Variants in CFAP100 observed in about 807,000 individuals in gnomAD.
CFAP100 encodes cilia and flagella associated protein 100.
A neutral mutation model predicts 81.5 loss-of-function variants in CFAP100; 70 were observed. The observed-to-expected ratio is 0.86, with a 90% CI of 0.71 to 1.05. The LOEUF is 1.05. CFAP100 is among the 50% of genes least tolerant of loss of function. CFAP100 has a pLI of 0.00. For missense variants in CFAP100, 811 were observed against 776.5 expected (o/e 1.04, Z -0.53); for synonymous variants, 341 against 314.8 (o/e 1.08, Z -0.88).
chr3:126,397,041 A>G (rs1041669897), intron 2 of CFAP100, among the ~76,000 whole-genome samples: 2 of 152,204 alleles, frequency 1.3e-5, no homozygotes, highest in African/African-American at 4.8e-5. Flanking sequence ...CTCAGTGCAC[A>G]TACAGGCAAA....
chr3:126,400,492 G>A (rs2082956216), intron 2 of CFAP100, among the ~76,000 whole-genome samples: 2 of 151,848 alleles, frequency 1.3e-5, no homozygotes, highest in South Asian at 2.1e-4. Flanking sequence ...GGTGACTCTC[G>A]CCTAAAATCC....
At chr3:126,421,802 G>A (rs892339586) in intron 11 of CFAP100, among the ~76,000 whole-genome samples, 1 of 152,256 alleles carries the variant, frequency 6.6e-6, no homozygotes, top group Non-Finnish European at 1.5e-5. Flanking sequence ...TTGTGGTGAA[G>A]ACCAGCCACC....
chr3:126,418,332 G>A lies in CFAP100; in HGVS notation c.419-126G>A, dbSNP rs190720457. Reference sequence around the variant, plus strand: ...CAAGAACACTACCTTCCATGGTCCCGGTAGTCACCTGGGCGTGGACGCAAA... The same window carrying A: ...CAAGAACACTACCTTCCATGGTCCCAGTAGTCACCTGGGCGTGGACGCAAA... On this transcript the variant is annotated intron_variant, in intron 5 of 16. Coordinates refer to ENST00000352312, the MANE Select transcript of CFAP100 (RefSeq NM_182628.3). 6.2e-4 allele frequency: 463 copies of A among 752,188 alleles called. 2 individuals carry two copies. Among genetic ancestry groups the A allele is most frequent in the African/African-American group, 2.8e-3 (165 of 58,114 alleles). The allele number at this position is 752,188 out of a possible 1,614,324, so 46.6% of individuals were successfully genotyped here. A position where few individuals can be genotyped will look rare whatever the true frequency, so the allele number is the denominator to read the frequency against.
At chr3:126,398,022 G>A (rs900647038) in intron 2 of CFAP100, among the ~76,000 whole-genome samples, 4 of 152,256 alleles carry the variant, frequency 2.6e-5, no homozygotes, top group Non-Finnish European at 4.4e-5. Context: ...ACTGGGTAGG[G>A]CCTGTGGCCC....
intron 2 of CFAP100, among the ~76,000 whole-genome samples, chr3:126,402,189 A>C (rs555326925): frequency 6.6e-6 from 1 of 152,324 alleles, no homozygotes; most frequent in East Asian, 1.9e-4. Flanking sequence ...TGGCACCATC[A>C]CTAACCCAGT....
intron 4 of CFAP100, among the ~76,000 whole-genome samples, chr3:126,414,699 C>T (rs964019626): frequency 1.3e-5 from 2 of 152,226 alleles, no homozygotes; most frequent in African/African-American, 4.8e-5. Flanking sequence ...CGACCCCACT[C>T]TTGCCCCATC....
intron 16 of CFAP100, 82 bp downstream of exon 16, chr3:126,435,734 C>T: frequency 1.5e-5 from 16 of 1,102,176 alleles, no homozygotes; most frequent in Middle Eastern, 4.8e-4. Flanking sequence ...GCCCAAGCCC[C>T]TGATGCTACC....
At chr3:126,423,920 G>A (rs772817542) in intron 13 of CFAP100, among the ~76,000 whole-genome samples, 4 of 152,226 alleles carry the variant, frequency 2.6e-5, no homozygotes, top group Non-Finnish European at 4.4e-5. Flanking sequence ...TGCCCTAGGC[G>A]CCTTCTGCTG....
intron 2 of CFAP100, among the ~76,000 whole-genome samples, chr3:126,402,925 C>T (rs1273843243): frequency 6.6e-6 from 1 of 151,774 alleles, no homozygotes; most frequent in Non-Finnish European, 1.5e-5. Flanking sequence ...GCGGATGGGT[C>T]CAGTGCTCCT....
Position 126,426,429 on chromosome 3 carries a change from T to C in CFAP100, c.1286+2785T>C, listed in dbSNP as rs372552539. 4.8e-5 allele frequency among the ~76,000 whole-genome samples: 7 copies of C among 145,982 alleles called. No individual in the cohort carries two copies. In the East Asian group the frequency reaches 1.5e-3, roughly 31 times the overall value. On this transcript the variant is annotated intron_variant, in intron 13 of 16. Transcript: ENST00000352312. Reference sequence around the variant, plus strand: ...ATGATCATGCCACTATACTCCACCCTGGGTGACACAGTGAGACCCTGTCTT... The same window carrying C: ...ATGATCATGCCACTATACTCCACCCCGGGTGACACAGTGAGACCCTGTCTT...
intron 3 of CFAP100, among the ~76,000 whole-genome samples, chr3:126,408,960 T>C (rs2083113216): frequency 6.6e-6 from 1 of 152,188 alleles, no homozygotes; most frequent in Admixed American, 6.5e-5. Flanking sequence ...GGCTCATTTT[T>C]GTATTTTTTG....
intron 3 of CFAP100, among the ~76,000 whole-genome samples, chr3:126,407,565 A>T (rs952251227): frequency 3.4e-5 from 5 of 148,416 alleles, no homozygotes; most frequent in African/African-American, 1.3e-4. Flanking sequence ...TAGGGCTTTC[A>T]ACCACAATTA....
At chr3:126,416,183 C>A in intron 4 of CFAP100, 133 bp from the exon 5 acceptor site, 2 of 693,296 alleles carry the variant, frequency 2.9e-6, no homozygotes, top group Admixed American at 6.6e-5. Flanking sequence ...TGGCTCTCAG[C>A]CCGGGACAGC....
At chr3:126,414,265 G>A (rs760945935) in intron 4 of CFAP100, 86 bp downstream of exon 4, 9 of 918,988 alleles carry the variant, frequency 9.8e-6, no homozygotes, top group Non-Finnish European at 1.6e-5. Flanking sequence ...CCTTCTCAGA[G>A]GAGCACTTTC....
chr3:126,411,681 G>A (rs1204104725), intron 3 of CFAP100, among the ~76,000 whole-genome samples: 2 of 151,910 alleles, frequency 1.3e-5, no homozygotes, highest in Non-Finnish European at 2.9e-5. Context: ...TTTCCTCTGG[G>A]TTTTGTTTGT....
At chr3:126,434,586 A>C in intron 15 of CFAP100, 16 of 549,500 alleles carry the variant, frequency 2.9e-5, no homozygotes, top group Non-Finnish European at 3.9e-5. Flanking sequence ...TCCTAGAGCA[A>C]ACGACAGTGA....
chr3:126,412,670 C>G (rs1413495278), intron 3 of CFAP100, among the ~76,000 whole-genome samples: 6 of 152,174 alleles, frequency 3.9e-5, no homozygotes, highest in Non-Finnish European at 7.3e-5. Flanking sequence ...AAATGACTGC[C>G]ATTTTTGGGG....
chr3:126,435,429 G>A lies in CFAP100; in HGVS notation c.1629-130G>A, dbSNP rs1933407174. The A allele has an allele frequency of 8.8e-6, 6 of 681,280 alleles. 1 individual carries two copies. The East Asian group carries it at 1.2e-4, about 13-fold the overall frequency. The allele number at this position is 681,280 out of a possible 1,614,324, so 42.2% of individuals were successfully genotyped here. ...TGGATAGGTATTGAGAACTTGACCT[G>A]GCAAAAGAGGTGAAGAGGAGCTGGG... On this transcript the variant is annotated intron_variant, in intron 15 of 16. Coordinates refer to ENST00000352312, the MANE Select transcript of CFAP100 (RefSeq NM_182628.3).
chr3:126,417,434 G>A (rs913671334), intron 5 of CFAP100, among the ~76,000 whole-genome samples: 21 of 152,234 alleles, frequency 1.4e-4, no homozygotes, highest in Admixed American at 3.3e-4. Context: ...GATTAGAGGT[G>A]TACCATGTGA....
Sources: allele counts gnomAD v4.1 joint callset (sites outside exome capture counted in the v4.1 genomes callset), GRCh38; gene constraint gnomAD v4.1.1; transcripts MANE v1.5; gene names NCBI Gene and HGNC (gene_info 2026-07-23, HGNC 2026-07-21).